Variants in MEIS1 observed in about 807,000 individuals in gnomAD.
The protein encoded by MEIS1 is homeobox protein Meis1.
In MEIS1, 5 loss-of-function variants were observed where a neutral mutation model predicts 50.8. The ratio of observed to expected loss-of-function variants is 0.10; its 90% CI spans 0.05 to 0.21. The LOEUF (loss-of-function observed/expected upper bound fraction) is 0.21, where lower values mean the gene tolerates loss of function less well. MEIS1 is among the 10% of genes least tolerant of loss of function. The pLI is 1.00. For missense variants in MEIS1, 318 were observed against 517.3 expected (o/e 0.61, Z 3.74); for synonymous variants, 176 against 179.3 (o/e 0.98, Z 0.15).
chr2:66,485,248 C>T (rs546751738), intron 7 of MEIS1, among the ~76,000 whole-genome samples: 28 of 152,176 alleles, frequency 1.8e-4, no homozygotes, highest in African/African-American at 2.6e-4. Context: ...TAACACTATC[C>T]CTCCCCTTGC....
In MEIS1 at chr2:66,435,514, T is replaced by C. The variant is rs1351536530; in HGVS notation, c.-343T>C. ...GCAGAAAGCCATGAGATTTGGTAGT[T>C]GGGTCTGAGGGGCGCTCTTTTTTTT... On this transcript the variant is annotated 5_prime_UTR_variant, in exon 1 of 13. Coordinates refer to ENST00000272369, the MANE Select transcript of MEIS1 (RefSeq NM_002398.3). 1.3e-5 allele frequency: 5 copies of C among 373,952 alleles called. No homozygotes were observed. In the Admixed American group the frequency reaches 2.3e-4, roughly 17 times the overall value. 23.2% of individuals were successfully genotyped at this position (373,952 alleles called of 1,614,324 possible). A position where few individuals can be genotyped will look rare whatever the true frequency, so the allele number is the denominator to read the frequency against.
chr2:66,535,039 A>G (rs1674485140), intron 8 of MEIS1, among the ~76,000 whole-genome samples: 1 of 152,212 alleles, frequency 6.6e-6, no homozygotes, highest in Non-Finnish European at 1.5e-5. Flanking sequence ...ACGTTAAAAC[A>G]GAGGCTGGGT....
At chr2:66,570,850 A>C (rs1675468724) in intron 12 of MEIS1, 1 of 159,876 alleles carries the variant, frequency 6.3e-6, no homozygotes, top group African/African-American at 2.4e-5. Flanking sequence ...TTGCTAAGTA[A>C]TCACCCTTAG....
intron 8 of MEIS1, among the ~76,000 whole-genome samples, chr2:66,538,317 A>G (rs1674568342): frequency 6.6e-6 from 1 of 152,238 alleles, no homozygotes; most frequent in African/African-American, 2.4e-5. Context: ...AAATAATGGT[A>G]AGAGTACTTA....
intron 9 of MEIS1, among the ~76,000 whole-genome samples, chr2:66,558,821 A>T (rs1273788399): frequency 6.6e-6 from 1 of 152,090 alleles, no homozygotes; most frequent in African/African-American, 2.4e-5. Context: ...GCTCAAAGGT[A>T]CTCCAATATG....
At chr2:66,468,793 A>G (rs1490962450) in intron 7 of MEIS1, among the ~76,000 whole-genome samples, 1 of 152,234 alleles carries the variant, frequency 6.6e-6, no homozygotes, top group Non-Finnish European at 1.5e-5. Context: ...GAATCACCTT[A>G]AACTCAGAGG....
intron 7 of MEIS1, among the ~76,000 whole-genome samples, chr2:66,491,043 A>G (rs1293109277): frequency 7.1e-6 from 1 of 140,618 alleles, no homozygotes; most frequent in Non-Finnish European, 1.5e-5. Context: ...CAACAACAAG[A>G]AAAAAAAAAT....
rs1489703311 is a variant in MEIS1, at chr2:66,435,341, G to C, written c.-516G>C. ...AGAGAGAGAAGAGAGAAACTGATTA[G>C]GAATTAGGACTGATTCAAGGGAAGC... On this transcript the variant is annotated 5_prime_UTR_variant, in exon 1 of 13. Coordinates refer to ENST00000272369, the MANE Select transcript of MEIS1 (RefSeq NM_002398.3). 1 of 169,600 alleles carries C rather than the reference G, an allele frequency of 5.9e-6. No individual in the cohort carries two copies. The highest frequency in any genetic ancestry group is 2.4e-5 in the African/African-American group (1 of 42,296). 10.5% of individuals were successfully genotyped at this position (169,600 alleles called of 1,614,324 possible).
intron 7 of MEIS1, among the ~76,000 whole-genome samples, chr2:66,474,688 T>C (rs1672847832): frequency 1.3e-5 from 2 of 152,176 alleles, no homozygotes; most frequent in African/African-American, 4.8e-5. Context: ...GTCTTGCATA[T>C]AGTTTTCCAT....
chr2:66,456,167 G>T (rs1161380272), intron 6 of MEIS1, among the ~76,000 whole-genome samples: 2 of 151,322 alleles, frequency 1.3e-5, no homozygotes, highest in Non-Finnish European at 1.5e-5. Flanking sequence ...GGGAAATATG[G>T]AACTCTATTT....
At chr2:66,505,190 G>A (rs1237717716) in intron 7 of MEIS1, among the ~76,000 whole-genome samples, 1 of 152,196 alleles carries the variant, frequency 6.6e-6, no homozygotes, top group Non-Finnish European at 1.5e-5. Context: ...TGAGGCAGGA[G>A]GTTGCTTGAG....
At chr2:66,466,501 A>G (rs984433248) in intron 7 of MEIS1, among the ~76,000 whole-genome samples, 4 of 152,242 alleles carry the variant, frequency 2.6e-5, no homozygotes, top group Non-Finnish European at 5.9e-5. Context: ...TTCCATGCCA[A>G]CCGTCACCCT....
chr2:66,498,452 G>A (rs1482358114), intron 7 of MEIS1, among the ~76,000 whole-genome samples: 2 of 152,114 alleles, frequency 1.3e-5, no homozygotes, highest in Non-Finnish European at 2.9e-5. Context: ...CTATTCTCTT[G>A]TAATACCTCC....
At chr2:66,450,662 T>C (rs2103711363) in intron 6 of MEIS1, among the ~76,000 whole-genome samples, 1 of 152,268 alleles carries the variant, frequency 6.6e-6, no homozygotes, top group Non-Finnish European at 1.5e-5. Flanking sequence ...TTTTAACTCA[T>C]TTAGAAGATA....
chr2:66,527,164 G>A (rs1342531454), intron 8 of MEIS1, among the ~76,000 whole-genome samples: 4 of 152,182 alleles, frequency 2.6e-5, no homozygotes, highest in African/African-American at 9.7e-5. Flanking sequence ...ATTATTAATT[G>A]TTATTTAATA....
intron 8 of MEIS1, among the ~76,000 whole-genome samples, chr2:66,530,585 A>G (rs892645348): frequency 1.3e-4 from 20 of 152,134 alleles, no homozygotes; most frequent in African/African-American, 4.8e-4. Flanking sequence ...GCGTGGTGGC[A>G]GGCACCTGTA....
At chr2:66,481,435 T>C (rs1476302026) in intron 7 of MEIS1, among the ~76,000 whole-genome samples, 1 of 152,232 alleles carries the variant, frequency 6.6e-6, no homozygotes, top group Non-Finnish European at 1.5e-5. Context: ...GCTCTGGACT[T>C]ATCTGGGTTG....
rs1384947428 is a variant in MEIS1, at chr2:66,437,801, A to G, written c.77A>G (p.Asp26Gly). ...GGCATCCCCTCCACGATGTATGGGG[A>G]CCCGCATGCAGCCAGGTCCATGCAG... ...GVGIPSTMYG[D>G]PHAARSMQPV... Residue 26 changes from aspartate (D) to glycine (G), a missense_variant, in exon 2 of 13, where the codon GAC becomes GGC. Asp to Gly is a moderately conservative substitution (Grantham distance 94, BLOSUM62 -1). Coordinates refer to ENST00000272369, the MANE Select transcript of MEIS1 (RefSeq NM_002398.3). 3 of 1,613,810 alleles carry G rather than the reference A, an allele frequency of 1.9e-6. No homozygotes were observed. Among genetic ancestry groups the G allele is most frequent in the Non-Finnish European group, 1.7e-6 (2 of 1,179,862 alleles).
chr2:66,565,852 A>C (rs914981078), intron 9 of MEIS1, among the ~76,000 whole-genome samples: 1 of 152,188 alleles, frequency 6.6e-6, no homozygotes, highest in Admixed American at 6.5e-5. Context: ...TATATGCAGA[A>C]TATTAATATT....
Sources: gnomAD v4.1 joint callset for allele counts (sites outside exome capture counted in the v4.1 genomes callset) on GRCh38, gnomAD v4.1.1 for gene constraint, MANE v1.5 for transcripts, NCBI Gene and HGNC (gene_info 2026-07-23, HGNC 2026-07-21) for gene names.